The following SHANK2 variants were observed in gnomAD, a reference collection of about 807,000 sequenced individuals.
SHANK2 encodes SH3 and multiple ankyrin repeat domains protein 2.
In SHANK2, 43 loss-of-function variants were observed where a neutral mutation model predicts 133.7. That is an observed-to-expected ratio of 0.32 (90% CI 0.25 to 0.41). SHANK2 has a LOEUF of 0.41. SHANK2 is among the 10% of genes least tolerant of loss of function. SHANK2 has a pLI of 1.00. For synonymous variants in SHANK2, 1,017 were observed against 952.8 expected (o/e 1.07, Z -1.24); for missense variants, 1,994 against 2,235.8 (o/e 0.89, Z 2.18).
intron 17 of SHANK2, among the ~76,000 whole-genome samples, chr11:70,517,749 G>C (rs782289692): frequency 1.4e-4 from 21 of 152,170 alleles, no homozygotes; most frequent in Non-Finnish European, 2.8e-4. Flanking sequence ...AATTTTTGAG[G>C]CAGTGAGGCT....
intron 2 of SHANK2, among the ~76,000 whole-genome samples, chr11:71,186,449 T>C (rs1371818389): frequency 6.6e-6 from 1 of 152,236 alleles, no homozygotes; most frequent in Non-Finnish European, 1.5e-5. Context: ...TGACAACCTC[T>C]ATCCCCCAAC....
At chr11:71,251,944 C>G (rs909613195) in intron 1 of SHANK2, among the ~76,000 whole-genome samples, 4 of 152,150 alleles carry the variant, frequency 2.6e-5, no homozygotes, top group Non-Finnish European at 4.4e-5. Context: ...ACCTGGCGGC[C>G]CCGCGCCGGC....
chr11:70,919,372 CT>C (rs35847446), intron 10 of SHANK2, among the ~76,000 whole-genome samples: 61,859 of 146,808 alleles, frequency 0.42, 13,584 homozygotes, highest in Admixed American at 0.53. Context: ...CTTACTACTT[CT>C]TTTTTTTTTT....
chr11:70,535,776 G>T lies in SHANK2; in HGVS notation c.2062-32845C>A, dbSNP rs1435342304. 2.6e-5 allele frequency among the ~76,000 whole-genome samples: 4 copies of T among 152,264 alleles called. No homozygotes were observed. Among genetic ancestry groups the T allele is most frequent in the Non-Finnish European group, 4.4e-5 (3 of 68,050 alleles). ...TGTGGGAAGTCCCTGTGCTCCACGG[G>T]GCAGGAGAGGTTCGGGTGGGCCATC... On this transcript the variant is annotated intron_variant, in intron 17 of 25. Transcript: ENST00000601538. This position sits in a 1 kb window ranked among gnomAD's most constrained non-coding sequence, Gnocchi z 4.3.
intron 10 of SHANK2, chr11:70,942,657 G>C: frequency 2.2e-6 from 1 of 456,908 alleles, no homozygotes. Context: ...AGATGAACTT[G>C]AGGATTTACA....
Position 70,557,886 on chromosome 11 carries a change from C to T in SHANK2, c.2062-54955G>A, listed in dbSNP as rs547427100. ...GCTTTCTGCAGCCACAGCTCCCAGG[C>T]GTGCCGAGCCGGGGCTGAGTCACTG... On this transcript the variant is annotated intron_variant, in intron 17 of 25. Coordinates refer to ENST00000601538, the MANE Select transcript of SHANK2 (RefSeq NM_012309.5). Among the ~76,000 whole-genome samples the T allele has an allele frequency of 3.9e-5, 6 of 152,346 alleles. No homozygotes were observed. The South Asian group carries it at 6.2e-4, about 16-fold the overall frequency.
At chr11:71,167,591 A>G (rs12785668) in intron 2 of SHANK2, among the ~76,000 whole-genome samples, 821 of 34,384 alleles carry the variant, frequency 0.024, no homozygotes, top group Admixed American at 0.033. Context: ...GGGCAGAGGG[A>G]CTCCTCACTT....
chr11:70,600,280 G>A (rs1172935143), intron 17 of SHANK2, among the ~76,000 whole-genome samples: 5 of 151,754 alleles, frequency 3.3e-5, no homozygotes, highest in South Asian at 2.1e-4. Flanking sequence ...TTAGCCGGGC[G>A]CGGTGGTGCA....
At position 70,861,656 on chromosome 11, in the gene SHANK2, T is replaced by C. The variant is rs1446526873; in HGVS notation, c.1174+34845A>G. Among the ~76,000 whole-genome samples, 3 of 152,300 alleles carry C rather than the reference T, an allele frequency of 2.0e-5. No individual in the cohort carries two copies. The East Asian group carries it at 5.8e-4, about 29-fold the overall frequency. On this transcript the variant is annotated intron_variant, in intron 11 of 25. Transcript: ENST00000601538. The stretch of plus-strand genomic sequence containing the variant: ...CCAGTTAACTCTGTAGCTCAGGGCC[T>C]GGGGTTTGTTTCTTTGACTCCTCTG...
intron 15 of SHANK2, among the ~76,000 whole-genome samples, chr11:70,680,995 G>T (rs986992380): frequency 1.2e-4 from 18 of 152,154 alleles, no homozygotes; most frequent in Admixed American, 2.0e-4. Context: ...TCAATGCTCA[G>T]ACCACAGGCC....
chr11:71,164,876 G>A (rs1209452246), intron 2 of SHANK2, among the ~76,000 whole-genome samples: 1 of 152,112 alleles, frequency 6.6e-6, no homozygotes, highest in Admixed American at 6.5e-5. Flanking sequence ...CTTGGGGACG[G>A]CTATGACTCC....
At chr11:70,628,278 G>A (rs2060930966) in intron 17 of SHANK2, among the ~76,000 whole-genome samples, 1 of 152,164 alleles carries the variant, frequency 6.6e-6, no homozygotes, top group African/African-American at 2.4e-5. Flanking sequence ...CCATCTTTGT[G>A]TGGCAGGATC....
intron 11 of SHANK2, among the ~76,000 whole-genome samples, chr11:70,878,963 G>T (rs572540013): frequency 1.2e-4 from 18 of 152,290 alleles, no homozygotes; most frequent in African/African-American, 3.4e-4. Flanking sequence ...CTCTCCCCCA[G>T]GGGACATCCT....
At chr11:70,753,324 A>G (rs182607857) in intron 14 of SHANK2, among the ~76,000 whole-genome samples, 106 of 152,344 alleles carry the variant, frequency 7.0e-4, no homozygotes, top group African/African-American at 2.5e-3. Context: ...CATCAAAAGG[A>G]CCGAACTGAC....
chr11:70,716,895 G>GCCCCCCCCCCC (rs60827522), intron 14 of SHANK2, among the ~76,000 whole-genome samples: 4 of 138,392 alleles, frequency 2.9e-5, no homozygotes, highest in African/African-American at 1.2e-4. Flanking sequence ...GGGTCCCGGA[G>GCCCCCCCCCCC]CCCCCCCCCC....
At chr11:70,795,075 G>A (rs1018763956) in intron 14 of SHANK2, among the ~76,000 whole-genome samples, 1 of 152,206 alleles carries the variant, frequency 6.6e-6, no homozygotes, top group East Asian at 1.9e-4. Context: ...AATCCTCCCC[G>A]CCCTCCTCGA....
chr11:70,648,811 T>C (rs1368585184), intron 17 of SHANK2, among the ~76,000 whole-genome samples: 1 of 152,304 alleles, frequency 6.6e-6, no homozygotes, highest in East Asian at 1.9e-4. Flanking sequence ...CTATCCTGGC[T>C]GTGCTCTCCT....
chr11:70,888,809 G>A (rs1388397341), intron 11 of SHANK2, among the ~76,000 whole-genome samples: 3 of 148,410 alleles, frequency 2.0e-5, no homozygotes, highest in Admixed American at 6.7e-5. Context: ...AGAGGGAGAC[G>A]CCATCTCAAA....
At chr11:71,134,735 G>T (rs1952405505) in intron 3 of SHANK2, among the ~76,000 whole-genome samples, 1 of 151,990 alleles carries the variant, frequency 6.6e-6, no homozygotes, top group Admixed American at 6.5e-5. Flanking sequence ...CTGAGAAACT[G>T]CAAAGACGCA....
Sources: allele counts gnomAD v4.1 joint callset (sites outside exome capture counted in the v4.1 genomes callset), GRCh38; gene constraint gnomAD v4.1.1; non-coding constraint Gnocchi (gnomAD v3.1); transcripts MANE v1.5; gene names NCBI Gene and HGNC (gene_info 2026-07-23, HGNC 2026-07-21).